PRKX: variants seen among roughly 807,000 people sequenced by gnomAD.
PRKX encodes the protein protein kinase cAMP-dependent X-linked catalytic subunit.
PRKX carries 12 observed loss-of-function variants against 22.0 expected under a neutral mutation model. The ratio of observed to expected loss-of-function variants is 0.54; its 90% CI spans 0.35 to 0.88. The LOEUF (loss-of-function observed/expected upper bound fraction) is 0.88, where lower values mean the gene tolerates loss of function less well. Ranked by LOEUF, PRKX falls within the 40% of genes least tolerant of loss-of-function variation. The probability of loss-of-function intolerance (pLI) is 0.01; values close to 1 mark genes in which losing one functional copy is unlikely to be tolerated. For missense variants in PRKX, 217 were observed against 308.0 expected (o/e 0.70, Z 2.21); for synonymous variants, 134 against 137.7 (o/e 0.97, Z 0.19).
chrX:3,633,649 C>T (rs1926831355), intron 4 of PRKX, among the ~76,000 whole-genome samples: 4 of 111,600 alleles, frequency 3.6e-5, no homozygotes, highest in African/African-American at 1.3e-4. Flanking sequence ...TGTAACCATT[C>T]CGCCTATTTA....
At chrX:3,701,574 T>C (rs1352930381) in intron 1 of PRKX, among the ~76,000 whole-genome samples, 3 of 112,441 alleles carry the variant, frequency 2.7e-5, no homozygotes, top group African/African-American at 6.5e-5. Flanking sequence ...CATAAGCTAG[T>C]TCTGTCAGCG....
At chrX:3,698,270 G>A (rs1214268810) in intron 1 of PRKX, among the ~76,000 whole-genome samples, 7 of 111,691 alleles carry the variant, frequency 6.3e-5, no homozygotes, top group Middle Eastern at 4.6e-3. Flanking sequence ...AGCCACAGAC[G>A]CAGGAAGAAA....
At chrX:3,617,528 C>T (rs1926455098) in intron 6 of PRKX, among the ~76,000 whole-genome samples, 1 of 110,510 alleles carries the variant, frequency 9.0e-6, no homozygotes, top group African/African-American at 3.3e-5. Context: ...TGCACTGAGT[C>T]CCAGCTACTC....
intron 1 of PRKX, among the ~76,000 whole-genome samples, chrX:3,703,056 G>T (rs1928610885): frequency 9.0e-6 from 1 of 111,075 alleles, no homozygotes. Flanking sequence ...GATTAAGCAG[G>T]ATGGAAAGGC....
intron 1 of PRKX, among the ~76,000 whole-genome samples, chrX:3,700,738 C>T (rs1928546491): frequency 1.2e-5 from 1 of 80,703 alleles, no homozygotes; most frequent in African/African-American, 5.5e-5. Flanking sequence ...GCCACCACGC[C>T]CAGCTAATTG....
chrX:3,620,625 G>A (rs1489947795), intron 6 of PRKX, among the ~76,000 whole-genome samples: 2 of 112,440 alleles, frequency 1.8e-5, no homozygotes, highest in Admixed American at 1.9e-4. Context: ...TCTCATAGGA[G>A]CACACACCCT....
intron 1 of PRKX, among the ~76,000 whole-genome samples, chrX:3,702,693 C>CG (rs1555898548): frequency 6.7e-5 from 6 of 89,077 alleles, no homozygotes; most frequent in African/African-American, 2.1e-4. Flanking sequence ...GTCTATTTTT[C>CG]TTTTTTTTTT....
intron 3 of PRKX, among the ~76,000 whole-genome samples, chrX:3,645,173 T>C (rs184229020): frequency 1.8e-3 from 196 of 111,579 alleles, no homozygotes; most frequent in Middle Eastern, 0.014. Context: ...ACTTCCCTGC[T>C]CCTGTCTCCT....
rs1188373531 is a variant in PRKX, at chrX:3,607,393, A to C, written c.*1576T>G. The stretch of plus-strand genomic sequence containing the variant: ...GTTTCACCTTTTCACATTCACGGTA[A>C]AACTGATGGGAAACCGCACGCTAAA... On this transcript the variant is annotated 3_prime_UTR_variant, in exon 9 of 9. Transcript: ENST00000262848. The C allele has an allele frequency of 9.0e-6, 1 of 111,694 alleles. No individual in the cohort carries two copies. Among genetic ancestry groups the C allele is most frequent in the Non-Finnish European group, 1.9e-5 (1 of 53,207 alleles). The allele number at this position is 111,694 out of a possible 1,213,427, so 9.2% of individuals were successfully genotyped here.
At chrX:3,694,375 G>A (rs748847722) in intron 1 of PRKX, among the ~76,000 whole-genome samples, 12 of 109,809 alleles carry the variant, frequency 1.1e-4, no homozygotes, top group African/African-American at 3.6e-4. Flanking sequence ...GCAAAAGAGC[G>A]AAACTCCATC....
At chrX:3,693,433 T>G (rs1442039581) in intron 1 of PRKX, among the ~76,000 whole-genome samples, 1 of 111,298 alleles carries the variant, frequency 9.0e-6, no homozygotes, top group Non-Finnish European at 1.9e-5. Context: ...GGTTTGGGCA[T>G]CTACGCAGTG....
intron 1 of PRKX, among the ~76,000 whole-genome samples, chrX:3,712,370 T>TG (rs1205764041): frequency 8.9e-6 from 1 of 111,837 alleles, no homozygotes; most frequent in African/African-American, 3.3e-5. Context: ...AAGCAGCGCG[T>TG]GTCCGGATGC....
chrX:3,629,393 G>C (rs1403677111), intron 4 of PRKX, among the ~76,000 whole-genome samples: 2 of 107,094 alleles, frequency 1.9e-5, no homozygotes, highest in African/African-American at 6.8e-5. Flanking sequence ...CTACAGGTCT[G>C]CACCACCACG....
At chrX:3,658,105 C>T (rs371875438) in intron 2 of PRKX, among the ~76,000 whole-genome samples, 4 of 110,172 alleles carry the variant, frequency 3.6e-5, no homozygotes, top group Admixed American at 1.9e-4. Flanking sequence ...ATTCTCCTGC[C>T]TCAGCCTCCC....
At chrX:3,709,639 C>A (rs1252158727) in intron 1 of PRKX, among the ~76,000 whole-genome samples, 4 of 111,314 alleles carry the variant, frequency 3.6e-5, no homozygotes, top group Non-Finnish European at 7.5e-5. Flanking sequence ...TGGGAAAAAA[C>A]CCAAGTATTT....
intron 4 of PRKX, among the ~76,000 whole-genome samples, chrX:3,627,392 TAAAAAAA>T (rs35645553): frequency 2.0e-5 from 1 of 49,297 alleles, no homozygotes; most frequent in South Asian, 9.4e-4. Context: ...CAAAAAAAAT[TAAAAAAA>T]AAAAAAAAAA....
At chrX:3,700,549 T>C (rs1439431712) in intron 1 of PRKX, among the ~76,000 whole-genome samples, 2 of 111,377 alleles carry the variant, frequency 1.8e-5, no homozygotes, top group Non-Finnish European at 3.8e-5. Flanking sequence ...TACTTTTTTC[T>C]TCTCTTTTTT....
intron 5 of PRKX, 105 bp from the exon 6 acceptor site, chrX:3,621,421 C>T: frequency 4.2e-6 from 3 of 717,006 alleles, no homozygotes; most frequent in South Asian, 5.2e-5. Context: ...ACATGAGGAC[C>T]GCAGTTCAAT....
At chrX:3,646,705 T>C (rs1927195409) in intron 3 of PRKX, among the ~76,000 whole-genome samples, 1 of 110,724 alleles carries the variant, frequency 9.0e-6, no homozygotes, top group Non-Finnish European at 1.9e-5. Context: ...TCATCTTTTT[T>C]TTTATGGGGA....
Sources: allele counts gnomAD v4.1 joint callset (sites outside exome capture counted in the v4.1 genomes callset), GRCh38; gene constraint gnomAD v4.1.1; transcripts MANE v1.5; gene names NCBI Gene and HGNC (gene_info 2026-07-23, HGNC 2026-07-21).